Variants in KCNH7 observed in about 807,000 individuals in gnomAD.
KCNH7 encodes the protein voltage-gated inwardly rectifying potassium channel KCNH7.
In KCNH7, 49 loss-of-function variants were observed where a neutral mutation model predicts 120.8. That is an observed-to-expected ratio of 0.41 (90% confidence interval 0.32 to 0.51). The LOEUF (loss-of-function observed/expected upper bound fraction) is 0.51, where lower values mean the gene tolerates loss of function less well. Among genes scored for constraint, KCNH7 ranks in the 20% least tolerant of loss-of-function variants. KCNH7 has a pLI of 0.38. For missense variants in KCNH7, 1,097 were observed against 1,446.6 expected, an observed-to-expected ratio of 0.76 and a Z score of 3.92; for synonymous variants, 547 against 516.1, an observed-to-expected ratio of 1.06 and a Z score of -0.81.
At chr2:162,472,312 T>A (rs539276670) in intron 6 of KCNH7, among the ~76,000 whole-genome samples, 1 of 152,232 alleles carries the variant, frequency 6.6e-6, no homozygotes, top group East Asian at 1.9e-4. Context: ...ACCTACAGAA[T>A]GGGAGAAAAT....
chr2:162,582,861 A>G (rs1693923832), intron 2 of KCNH7, among the ~76,000 whole-genome samples: 1 of 152,080 alleles, frequency 6.6e-6, no homozygotes, highest in South Asian at 2.1e-4. Flanking sequence ...TTTTTCTATG[A>G]TCATTGATTT....
At chr2:162,496,065 G>A (rs1196709140) in intron 6 of KCNH7, among the ~76,000 whole-genome samples, 1 of 152,120 alleles carries the variant, frequency 6.6e-6, no homozygotes. Context: ...AAATGGCGAT[G>A]CAAATGAAAC....
intron 2 of KCNH7, among the ~76,000 whole-genome samples, chr2:162,793,312 A>T (rs1684024819): frequency 6.6e-6 from 1 of 151,930 alleles, no homozygotes; most frequent in South Asian, 2.1e-4. Flanking sequence ...GTGGTGTAGG[A>T]GGAGGGAGGG....
chr2:162,644,723 T>G (rs1684290069), intron 2 of KCNH7, among the ~76,000 whole-genome samples: 1 of 152,232 alleles, frequency 6.6e-6, no homozygotes, highest in Admixed American at 6.5e-5. Context: ...TTGCTTTGTC[T>G]TTTCCAAACA....
chr2:162,788,988 TA>T (rs61348204), intron 2 of KCNH7, among the ~76,000 whole-genome samples: 30,914 of 104,854 alleles, frequency 0.29, 3,957 homozygotes, highest in East Asian at 0.44. Context: ...AGGTACTGGT[TA>T]AAAAAAAAAA....
At chr2:162,471,410 G>T (rs1193965485) in intron 6 of KCNH7, among the ~76,000 whole-genome samples, 1 of 152,164 alleles carries the variant, frequency 6.6e-6, no homozygotes, top group African/African-American at 2.4e-5. Flanking sequence ...GTGTATGTAT[G>T]CTTGTGCTTG....
At chr2:162,409,783 G>A (rs995127335) in intron 9 of KCNH7, among the ~76,000 whole-genome samples, 2 of 151,764 alleles carry the variant, frequency 1.3e-5, no homozygotes, top group Non-Finnish European at 2.9e-5. Context: ...TCTATACACC[G>A]ATAACACCCA....
At chr2:162,690,774 C>T (rs978794965) in intron 2 of KCNH7, among the ~76,000 whole-genome samples, 2 of 152,088 alleles carry the variant, frequency 1.3e-5, no homozygotes, top group Non-Finnish European at 2.9e-5. Context: ...AGATAATTGG[C>T]ATGTTAACAG....
chr2:162,431,808 GA>G (rs1222364811), intron 8 of KCNH7, among the ~76,000 whole-genome samples: 3 of 151,278 alleles, frequency 2.0e-5, no homozygotes, highest in South Asian at 2.1e-4. Flanking sequence ...TATTTAAAAG[GA>G]AAAAAAGGAA....
chr2:162,701,529 G>T (rs1439238094), intron 2 of KCNH7, among the ~76,000 whole-genome samples: 1 of 152,076 alleles, frequency 6.6e-6, no homozygotes, highest in African/African-American at 2.4e-5. Flanking sequence ...AAATAATGAA[G>T]TTGACAGAAG....
chr2:162,484,838 G>T (rs544773137), intron 6 of KCNH7, among the ~76,000 whole-genome samples: 18 of 152,226 alleles, frequency 1.2e-4, no homozygotes, highest in Admixed American at 5.9e-4. Context: ...CTCACCATGT[G>T]ATCTCTGTGC....
At position 162,384,629 on chromosome 2, in the gene KCNH7, A is replaced by T; in HGVS notation, c.2962+59T>A. The T allele has an allele frequency of 3.9e-6, 6 of 1,527,036 alleles. No homozygotes were observed. In the South Asian group the frequency reaches 7.1e-5, roughly 18 times the overall value. 94.6% of individuals were successfully genotyped at this position (1,527,036 alleles called of 1,614,324 possible). On this transcript the variant is annotated intron_variant, in intron 13 of 15. Transcript: ENST00000332142. ...TCAGTACAGTTCTTAATTTGTAAAA[A>T]GTCACCATTTTGTGATTAGCACTGA...
intron 6 of KCNH7, among the ~76,000 whole-genome samples, chr2:162,480,576 C>T (rs543624045): frequency 6.6e-6 from 1 of 152,164 alleles, no homozygotes; most frequent in Non-Finnish European, 1.5e-5. Context: ...GAGAACAAAA[C>T]TCTCAGTTTT....
chr2:162,794,920 T>G (rs1684083669), intron 2 of KCNH7, among the ~76,000 whole-genome samples: 1 of 152,064 alleles, frequency 6.6e-6, no homozygotes, highest in South Asian at 2.1e-4. Context: ...TTTTAAAAGT[T>G]CTGATTCATG....
At chr2:162,420,924 T>TA (rs891810184) in intron 9 of KCNH7, among the ~76,000 whole-genome samples, 7 of 151,992 alleles carry the variant, frequency 4.6e-5, no homozygotes, top group African/African-American at 1.2e-4. Flanking sequence ...GTTTTGGAGG[T>TA]AAAAAAAATC....
At chr2:162,679,131 T>C (rs1448667939) in intron 2 of KCNH7, among the ~76,000 whole-genome samples, 1 of 151,606 alleles carries the variant, frequency 6.6e-6, no homozygotes, top group Non-Finnish European at 1.5e-5. Context: ...TGACTCTTTT[T>C]AGCAAAATTG....
At chr2:162,748,276 C>T (rs544055687) in intron 2 of KCNH7, among the ~76,000 whole-genome samples, 6 of 152,246 alleles carry the variant, frequency 3.9e-5, no homozygotes, top group Admixed American at 3.9e-4. Flanking sequence ...AGTGTCTTCA[C>T]TGTAGTTTTA....
At chr2:162,525,314 C>T (rs1194949469) in intron 3 of KCNH7, among the ~76,000 whole-genome samples, 1 of 151,918 alleles carries the variant, frequency 6.6e-6, no homozygotes, top group Admixed American at 6.6e-5. Flanking sequence ...GGAGCTGCAG[C>T]AGCAAAACAG....
intron 2 of KCNH7, among the ~76,000 whole-genome samples, chr2:162,806,054 G>T (rs948036986): frequency 1.3e-5 from 2 of 152,064 alleles, no homozygotes; most frequent in Admixed American, 6.6e-5. Context: ...GACATACAGA[G>T]TGATATAATG....
Sources: allele counts gnomAD v4.1 joint callset (sites outside exome capture counted in the v4.1 genomes callset), GRCh38; gene constraint gnomAD v4.1.1; transcripts MANE v1.5; gene names NCBI Gene and HGNC (gene_info 2026-07-23, HGNC 2026-07-21).